Variants in ASTN2 observed in about 807,000 individuals in gnomAD.
The protein encoded by ASTN2 is astrotactin-2.
ASTN2 carries 54 observed loss-of-function variants against 139.8 expected under a neutral mutation model. The ratio of observed to expected loss-of-function variants is 0.39; its 90% confidence interval spans 0.31 to 0.48. The LOEUF (loss-of-function observed/expected upper bound fraction) is 0.48. Among genes scored for constraint, ASTN2 ranks in the 20% least tolerant of loss-of-function variants. ASTN2 has a pLI of 0.95. For missense variants in ASTN2, 1,565 were observed against 1,725.1 expected (o/e 0.91, Z 1.64); for synonymous variants, 756 against 719.5 (o/e 1.05, Z -0.81).
At chr9:116,814,841 A>AG (rs1831267350) in intron 12 of ASTN2, among the ~76,000 whole-genome samples, 1 of 152,170 alleles carries the variant, frequency 6.6e-6, no homozygotes, top group Admixed American at 6.5e-5. Context: ...TACAATCCAC[A>AG]CTGGAAAATA....
intron 17 of ASTN2, among the ~76,000 whole-genome samples, chr9:116,641,788 T>C (rs1857343339): frequency 6.6e-6 from 1 of 152,114 alleles, no homozygotes; most frequent in African/African-American, 2.4e-5. Context: ...AGTATTAAGT[T>C]CCTCTTTTGT....
At chr9:117,406,872 AC>A (rs1831008991) in intron 1 of ASTN2, among the ~76,000 whole-genome samples, 1 of 140,256 alleles carries the variant, frequency 7.1e-6, no homozygotes, top group Non-Finnish European at 1.5e-5. Flanking sequence ...ACACACACAC[AC>A]ACACACACAC....
At chr9:117,243,851 C>T (rs1227939009) in intron 2 of ASTN2, among the ~76,000 whole-genome samples, 1 of 152,144 alleles carries the variant, frequency 6.6e-6, no homozygotes, top group Non-Finnish European at 1.5e-5. Context: ...TATGCATTTC[C>T]CTTTCTTCCT....
At chr9:117,322,696 C>T (rs1828371181) in intron 1 of ASTN2, among the ~76,000 whole-genome samples, 1 of 152,154 alleles carries the variant, frequency 6.6e-6, no homozygotes, top group Admixed American at 6.5e-5. Context: ...TTCCTCCTTA[C>T]CAGGCCATAA....
chr9:116,442,096 C>T (rs942980885), intron 21 of ASTN2, among the ~76,000 whole-genome samples: 1 of 152,258 alleles, frequency 6.6e-6, no homozygotes, highest in Admixed American at 6.5e-5. Context: ...CTAGCAACGA[C>T]AAGTGGGAGA....
intron 19 of ASTN2, among the ~76,000 whole-genome samples, chr9:116,505,407 T>A (rs991624633): frequency 1.3e-5 from 2 of 152,030 alleles, no homozygotes; most frequent in Non-Finnish European, 2.9e-5. Flanking sequence ...ATCTGAGTAG[T>A]CATTAGAATT....
chr9:116,443,522 C>T (rs1244324519), intron 20 of ASTN2, among the ~76,000 whole-genome samples: 2 of 152,062 alleles, frequency 1.3e-5, no homozygotes, highest in Admixed American at 1.3e-4. Flanking sequence ...AAAACGTAGA[C>T]CTGGTAGATT....
chr9:116,957,282 C>T (rs1835738052), intron 10 of ASTN2, among the ~76,000 whole-genome samples: 1 of 152,084 alleles, frequency 6.6e-6, no homozygotes, highest in African/African-American at 2.4e-5. Flanking sequence ...CATACACACA[C>T]TTTTTTCTTT....
intron 1 of ASTN2, among the ~76,000 whole-genome samples, chr9:117,306,345 C>T (rs913162571): frequency 6.6e-6 from 1 of 152,136 alleles, no homozygotes; most frequent in African/African-American, 2.4e-5. Flanking sequence ...TCAGAGAGAA[C>T]AGGGGAGTTA....
intron 6 of ASTN2, among the ~76,000 whole-genome samples, chr9:117,012,953 C>A (rs1006506994): frequency 3.9e-5 from 6 of 152,190 alleles, no homozygotes; most frequent in African/African-American, 1.4e-4. Context: ...CTACTGAGAA[C>A]TTATAGCCCA....
Position 117,291,017 on chromosome 9 carries a change from A to G in ASTN2, c.630+309T>C, listed in dbSNP as rs552715875. 3.3e-5 allele frequency among the ~76,000 whole-genome samples: 5 copies of G among 152,342 alleles called. No individual in the cohort carries two copies. The South Asian group carries it at 1.0e-3, about 32-fold the overall frequency. Reference sequence around the variant, plus strand: ...AATCACCAAACCTCAGCCCTCAGCAAAGCAGGCCAAGCACATGACAGATGT... The same window carrying G: ...AATCACCAAACCTCAGCCCTCAGCAGAGCAGGCCAAGCACATGACAGATGT... On this transcript the variant is annotated intron_variant, in intron 2 of 22. Transcript: ENST00000313400.
intron 2 of ASTN2, among the ~76,000 whole-genome samples, chr9:117,256,925 A>C (rs529587843): frequency 1.1e-4 from 17 of 152,330 alleles, no homozygotes; most frequent in African/African-American, 4.1e-4. Flanking sequence ...ACAGATAGTC[A>C]GTTAAAAACC....
chr9:117,225,639 G>A (rs1215308637), intron 2 of ASTN2, among the ~76,000 whole-genome samples: 9 of 144,230 alleles, frequency 6.2e-5, no homozygotes, highest in Non-Finnish European at 1.2e-4. Context: ...TATTCCCCAG[G>A]GTAAGGTCAT....
At chr9:116,868,604 T>C (rs1056207127) in intron 10 of ASTN2, among the ~76,000 whole-genome samples, 2 of 152,158 alleles carry the variant, frequency 1.3e-5, no homozygotes, top group African/African-American at 4.8e-5. Flanking sequence ...GAAAGCATAG[T>C]GTTTAAGTTT....
chr9:116,884,803 G>GCCCTCCCCCCC (rs1554756734), intron 10 of ASTN2, among the ~76,000 whole-genome samples: 1 of 69,640 alleles, frequency 1.4e-5, no homozygotes, highest in Non-Finnish European at 2.7e-5. Context: ...CCAAATATCC[G>GCCCTCCCCCCC]CCCCCCCCCC....
intron 11 of ASTN2, among the ~76,000 whole-genome samples, chr9:116,828,989 C>T (rs2132281892): frequency 6.6e-6 from 1 of 151,974 alleles, no homozygotes; most frequent in East Asian, 1.9e-4. Context: ...AATAACAAAA[C>T]ACTGATGAAA....
At chr9:117,312,155 C>A (rs1165824952) in intron 1 of ASTN2, among the ~76,000 whole-genome samples, 1 of 152,164 alleles carries the variant, frequency 6.6e-6, no homozygotes, top group Non-Finnish European at 1.5e-5. Context: ...TGCCCTTCTT[C>A]CCCCCAGAGA....
chr9:116,669,931 C>A (rs566087029), intron 16 of ASTN2, among the ~76,000 whole-genome samples: 1 of 151,866 alleles, frequency 6.6e-6, no homozygotes, highest in Admixed American at 6.6e-5. Flanking sequence ...CAGCCTCCCA[C>A]GTAGCTGGGA....
At chr9:117,041,648 A>G (rs1399102224) in intron 5 of ASTN2, among the ~76,000 whole-genome samples, 2 of 152,158 alleles carry the variant, frequency 1.3e-5, no homozygotes, top group Admixed American at 6.5e-5. Context: ...GCTGTTTTAC[A>G]GCATCTGGTT....
Sources: allele counts gnomAD v4.1 joint callset (sites outside exome capture counted in the v4.1 genomes callset), GRCh38; gene constraint gnomAD v4.1.1; transcripts MANE v1.5; gene names NCBI Gene and HGNC (gene_info 2026-07-23, HGNC 2026-07-21).